The following ADAMTS6 variants were observed in gnomAD, a reference collection of about 807,000 sequenced individuals.
The protein encoded by ADAMTS6 is A disintegrin and metalloproteinase with thrombospondin motifs 6.
Under a neutral mutation model 144.3 loss-of-function variants are expected in ADAMTS6, and 23 were observed. That is an observed-to-expected ratio of 0.16 (90% CI 0.11 to 0.23). The LOEUF (loss-of-function observed/expected upper bound fraction) is 0.23, where lower values mean the gene tolerates loss of function less well. Among genes scored for constraint, ADAMTS6 ranks in the 10% least tolerant of loss-of-function variants. The pLI is 1.00. For synonymous variants in ADAMTS6, 444 were observed against 457.5 expected (o/e 0.97, Z 0.38); for missense variants, 999 against 1,379.6 (o/e 0.72, Z 4.37).
At chr5:65,406,869 G>A (rs1051399321) in intron 7 of ADAMTS6, among the ~76,000 whole-genome samples, 8 of 151,998 alleles carry the variant, frequency 5.3e-5, no homozygotes, top group Non-Finnish European at 7.4e-5. Context: ...GAATTTTGTC[G>A]AAGATCTTTT....
chr5:65,346,954 T>TA (rs775552796), intron 7 of ADAMTS6, among the ~76,000 whole-genome samples: 3,615 of 141,742 alleles, frequency 0.026, 112 homozygotes, highest in African/African-American at 0.083. Context: ...ACAATACCAT[T>TA]AAAAAAAAAA....
At chr5:65,359,624 C>G (rs1749641090) in intron 7 of ADAMTS6, among the ~76,000 whole-genome samples, 1 of 152,100 alleles carries the variant, frequency 6.6e-6, no homozygotes. Flanking sequence ...AATTGTCTAT[C>G]TATGATTAAT....
chr5:65,377,140 A>C (rs1751640018), intron 7 of ADAMTS6, among the ~76,000 whole-genome samples: 1 of 152,190 alleles, frequency 6.6e-6, no homozygotes, highest in Non-Finnish European at 1.5e-5. Flanking sequence ...AGACAACAAC[A>C]TTAATACAAA....
intron 7 of ADAMTS6, among the ~76,000 whole-genome samples, chr5:65,450,388 G>C (rs1311253139): frequency 6.6e-6 from 1 of 151,982 alleles, no homozygotes; most frequent in Non-Finnish European, 1.5e-5. Flanking sequence ...TTATCTTACT[G>C]GATCTCAAGA....
intron 22 of ADAMTS6, among the ~76,000 whole-genome samples, chr5:65,178,794 A>G (rs567017588): frequency 5.7e-4 from 87 of 152,356 alleles, no homozygotes; most frequent in African/African-American, 1.9e-3. Context: ...AACAAATGCC[A>G]GATTAACCAA....
chr5:65,321,700 T>C (rs1745622509), intron 9 of ADAMTS6, among the ~76,000 whole-genome samples: 1 of 148,396 alleles, frequency 6.7e-6, no homozygotes, highest in Admixed American at 7.0e-5. Context: ...ATCCATCTTT[T>C]TCTTTTCCTT....
At chr5:65,314,194 T>C (rs1266370642) in intron 9 of ADAMTS6, among the ~76,000 whole-genome samples, 1 of 152,056 alleles carries the variant, frequency 6.6e-6, no homozygotes, top group African/African-American at 2.4e-5. Flanking sequence ...AAAAGCTTTT[T>C]AATGCTAGAT....
At chr5:65,480,480 C>A (rs148775687) in intron 1 of ADAMTS6, among the ~76,000 whole-genome samples, 19 of 152,294 alleles carry the variant, frequency 1.2e-4, no homozygotes, top group African/African-American at 4.6e-4. Flanking sequence ...CTGGCCCAAA[C>A]GCGTTGCACC....
intron 21 of ADAMTS6, among the ~76,000 whole-genome samples, chr5:65,193,283 C>CA (rs1417886780): frequency 6.6e-6 from 1 of 151,728 alleles, no homozygotes. Context: ...AAATAGACGA[C>CA]AAACTAGGAA....
chr5:65,164,463 C>A (rs1427400823), intron 24 of ADAMTS6, among the ~76,000 whole-genome samples: 1 of 143,640 alleles, frequency 7.0e-6, no homozygotes, highest in Admixed American at 6.9e-5. Flanking sequence ...GAGGGGCGCC[C>A]GCCATTGCCC....
At chr5:65,234,171 T>C in intron 15 of ADAMTS6, among the ~76,000 whole-genome samples, 1 of 151,512 alleles carries the variant, frequency 6.6e-6, no homozygotes, top group East Asian at 1.9e-4. Flanking sequence ...GAATTAAACG[T>C]AAGACTACTA....
intron 7 of ADAMTS6, among the ~76,000 whole-genome samples, chr5:65,337,686 C>T (rs1210406061): frequency 6.6e-6 from 1 of 151,988 alleles, no homozygotes; most frequent in Non-Finnish European, 1.5e-5. Context: ...TAATAATCTT[C>T]ACTAACTTCA....
In ADAMTS6 at chr5:65,373,366, C is replaced by A. The variant is rs566480364; in HGVS notation, c.1074-39281G>T. ...CAAAATTGATAAACAGCTAGCAAGA[C>A]TAATAAAGAAAAAAAGAGAGAAGAA... On this transcript the variant is annotated intron_variant, in intron 7 of 24. Transcript: ENST00000381055. Among the ~76,000 whole-genome samples, 212 of 151,130 alleles carry A rather than the reference C, an allele frequency of 1.4e-3. 6 individuals are homozygous for A. Among genetic ancestry groups the A allele is most frequent in the Admixed American group, 0.014 (210 of 15,150 alleles).
At chr5:65,236,643 A>G (rs1014159864) in intron 15 of ADAMTS6, among the ~76,000 whole-genome samples, 1 of 152,198 alleles carries the variant, frequency 6.6e-6, no homozygotes, top group Non-Finnish European at 1.5e-5. Context: ...ATTCTAGAAA[A>G]TTTCAAATAT....
intron 9 of ADAMTS6, among the ~76,000 whole-genome samples, chr5:65,308,942 A>T (rs1280005627): frequency 6.6e-6 from 1 of 152,204 alleles, no homozygotes; most frequent in African/African-American, 2.4e-5. Context: ...TGATATTGGC[A>T]ACCTTTTCAA....
At chr5:65,271,947 T>TA (rs200982952) in intron 12 of ADAMTS6, among the ~76,000 whole-genome samples, 13 of 151,606 alleles carry the variant, frequency 8.6e-5, no homozygotes, top group East Asian at 7.7e-4. Context: ...TACAATATCT[T>TA]AAAAAAAAAG....
chr5:65,214,954 G>T lies in ADAMTS6; in HGVS notation c.2437-22C>A. ...GAACCTGCCATTGAAAACAACTGGTGAAGACAATTAAAATACAATGAGCCT... is the reference window on the plus strand; with the variant it reads ...GAACCTGCCATTGAAAACAACTGGTTAAGACAATTAAAATACAATGAGCCT... On this transcript the variant is annotated intron_variant, in intron 19 of 24. Transcript: ENST00000381055. The surrounding 1 kb of genome is among the most constrained non-coding windows in gnomAD (Gnocchi z 4.6). The T allele has an allele frequency of 6.2e-7, 1 of 1,605,066 alleles. No homozygotes were observed. Among genetic ancestry groups the T allele is most frequent in the Non-Finnish European group, 8.5e-7 (1 of 1,176,072 alleles).
chr5:65,290,767 G>A (rs746418030), intron 11 of ADAMTS6, among the ~76,000 whole-genome samples: 2 of 151,804 alleles, frequency 1.3e-5, no homozygotes, highest in African/African-American at 4.8e-5. Context: ...TTTTTTTAAG[G>A]CAGACATGCA....
At chr5:65,256,524 AGTTAT>A (rs1208773729) in intron 14 of ADAMTS6, 2 of 152,222 alleles carry the variant, frequency 1.3e-5, no homozygotes, top group Non-Finnish European at 2.9e-5. Flanking sequence ...TCCATAATAT[AGTTAT>A]GTTAACTGTA....
Sources: allele counts gnomAD v4.1 joint callset (sites outside exome capture counted in the v4.1 genomes callset), GRCh38; gene constraint gnomAD v4.1.1; non-coding constraint Gnocchi (gnomAD v3.1); transcripts MANE v1.5; gene names NCBI Gene and HGNC (gene_info 2026-07-23, HGNC 2026-07-21).